CRACDL: variants seen among roughly 807,000 people sequenced by gnomAD.
The protein encoded by CRACDL is CRACD-like protein.
A neutral mutation model predicts 70.6 loss-of-function variants in CRACDL; 26 were observed. The ratio of observed to expected loss-of-function variants is 0.37; its 90% CI spans 0.27 to 0.51. The LOEUF is 0.51. Among genes scored for constraint, CRACDL ranks in the 20% least tolerant of loss-of-function variants. The pLI, the probability that CRACDL is intolerant of heterozygous loss-of-function variation, is 0.94. For missense variants in CRACDL, 1,283 were observed against 1,376.9 expected, an observed-to-expected ratio of 0.93 and a Z score of 1.08; for synonymous variants, 618 against 615.2, an observed-to-expected ratio of 1.00 and a Z score of -0.07.
intron 6 of CRACDL, 96 bp downstream of exon 6, chr2:98,826,879 G>T: frequency 1.2e-6 from 1 of 825,338 alleles, no homozygotes; most frequent in Non-Finnish European, 1.9e-6. Context: ...GGGGGCATGA[G>T]ACCCTGTGTG....
intron 1 of CRACDL, among the ~76,000 whole-genome samples, chr2:98,867,762 T>C (rs1037216415): frequency 3.9e-5 from 6 of 152,178 alleles, no homozygotes; most frequent in Admixed American, 1.3e-4. Context: ...TGCACACATA[T>C]GTGACGAACA....
At chr2:98,914,696 T>C (rs534867241) in intron 1 of CRACDL, among the ~76,000 whole-genome samples, 93 of 152,256 alleles carry the variant, frequency 6.1e-4, no homozygotes, top group African/African-American at 2.2e-3. Flanking sequence ...GCCCCACAAC[T>C]GGGGCTCTCC....
intron 7 of CRACDL, among the ~76,000 whole-genome samples, chr2:98,814,564 C>A (rs1327913044): frequency 6.6e-6 from 1 of 152,090 alleles, no homozygotes; most frequent in Non-Finnish European, 1.5e-5. Flanking sequence ...TTAATAAGGG[C>A]TGTTTAGTGA....
chr2:98,900,176 G>A (rs2104654478), intron 1 of CRACDL, among the ~76,000 whole-genome samples: 1 of 143,888 alleles, frequency 6.9e-6, no homozygotes, highest in African/African-American at 2.5e-5. Context: ...CAGATGGACA[G>A]AGGCTCAGTA....
At chr2:98,912,615 T>G (rs1573190672) in intron 1 of CRACDL, 1 of 152,478 alleles carries the variant, frequency 6.6e-6, no homozygotes, top group Non-Finnish European at 1.5e-5. Context: ...CCACTGTGGT[T>G]GAGGGTGCTG....
rs1704042894 is a variant in CRACDL, at chr2:98,800,778, A to G, written c.2417-3241T>C. On this transcript the variant is annotated intron_variant, in intron 7 of 9. Transcript: ENST00000397899. ...CTTATCTACCGAACAAACACACACC[A>G]CAGACTATGTACCAGATACACTTCT... is the stretch of plus-strand genomic sequence containing the variant. Among the ~76,000 whole-genome samples, 3 of 152,242 alleles carry G rather than the reference A, an allele frequency of 2.0e-5. No homozygotes were observed. In the South Asian group the frequency reaches 6.2e-4, roughly 32 times the overall value.
Position 98,797,350 on chromosome 2 carries a change from C to T in CRACDL, c.2604G>A (p.Gln868=), listed in dbSNP as rs2104394227. 1.2e-6 allele frequency: 2 copies of T among 1,614,126 alleles called. No individual in the cohort carries two copies. Among genetic ancestry groups the T allele is most frequent in the East Asian group, 2.2e-5 (1 of 44,882 alleles). The change falls in exon 8 of 10, where the codon CAG becomes CAA. Residue 868 remains glutamine, a splice_region_variant and synonymous_variant. Coordinates refer to ENST00000397899, the MANE Select transcript of CRACDL (RefSeq NM_207362.3). ...GAACAGAAGTATTTGCTCTAAGCAC[C>T]TGGCCTCTCTCGGGCACCTTGGCTT... The part of the protein sequence containing the change: ...GKQAKVPERG[Q]EPVKQADFVR...
chr2:98,920,111 C>G (rs976065605), intron 1 of CRACDL, among the ~76,000 whole-genome samples: 2 of 152,112 alleles, frequency 1.3e-5, no homozygotes, highest in African/African-American at 2.4e-5. Flanking sequence ...CAGATTCTGG[C>G]TAGGGGTTGC....
chr2:98,803,732 T>C (rs1704176826), intron 7 of CRACDL, among the ~76,000 whole-genome samples: 2 of 152,236 alleles, frequency 1.3e-5, no homozygotes, highest in South Asian at 4.1e-4. Context: ...ACTTCGGATC[T>C]AAAGTGGATC....
chr2:98,896,281 A>G (rs1708123472), intron 1 of CRACDL, among the ~76,000 whole-genome samples: 1 of 152,220 alleles, frequency 6.6e-6, no homozygotes, highest in African/African-American at 2.4e-5. Flanking sequence ...GAGACAAGAC[A>G]CAGCTGTGCT....
intron 2 of CRACDL, among the ~76,000 whole-genome samples, chr2:98,838,680 TA>T (rs1412426609): frequency 5.9e-5 from 9 of 152,016 alleles, no homozygotes; most frequent in African/African-American, 2.2e-4. Context: ...AAAAATAAAA[TA>T]AAATAAAAAT....
At chr2:98,869,442 G>A in intron 1 of CRACDL, 1 of 351,496 alleles carries the variant, frequency 2.8e-6, no homozygotes, top group South Asian at 2.8e-5. Flanking sequence ...GCCTGGCTCT[G>A]TAGGGAGTTG....
At chr2:98,903,925 C>A (rs1708344934) in intron 1 of CRACDL, among the ~76,000 whole-genome samples, 1 of 152,218 alleles carries the variant, frequency 6.6e-6, no homozygotes, top group Non-Finnish European at 1.5e-5. Context: ...CGGCCCTCAG[C>A]CTGGGTGACG....
chr2:98,908,425 T>C (rs936523025), intron 1 of CRACDL: 1 of 152,206 alleles, frequency 6.6e-6, no homozygotes, highest in African/African-American at 2.4e-5. Flanking sequence ...CTGCAGTGAG[T>C]AGTCTGGCAG....
intron 1 of CRACDL, among the ~76,000 whole-genome samples, chr2:98,873,290 C>T (rs897588421): frequency 5.3e-5 from 8 of 152,252 alleles, no homozygotes; most frequent in Non-Finnish European, 8.8e-5. Context: ...TTTGTCTCCA[C>T]ATCATCTCTG....
intron 1 of CRACDL, among the ~76,000 whole-genome samples, chr2:98,894,982 T>C (rs1708080643): frequency 6.6e-6 from 1 of 152,166 alleles, no homozygotes; most frequent in Non-Finnish European, 1.5e-5. Flanking sequence ...TGTGGTGACA[T>C]GCACCTGTGG....
rs1231296778 is a variant in CRACDL, at chr2:98,822,212, C to T, written c.2061G>A (p.Arg687=). 1 of 1,609,326 alleles carries T rather than the reference C, an allele frequency of 6.2e-7. No individual in the cohort carries two copies. Among genetic ancestry groups the T allele is most frequent in the Admixed American group, 1.7e-5 (1 of 59,928 alleles). ...EDRNPFPVKL[R]STSLSLKYRD... is the part of the protein sequence containing the mutation. ...TGTATTTGAGCGAGAGGGAGGTGGACCGGAGCTTGACGGGGAAGGGGTTTC... is the reference window on the plus strand; with the variant it reads ...TGTATTTGAGCGAGAGGGAGGTGGATCGGAGCTTGACGGGGAAGGGGTTTC... The change falls in exon 7 of 10, where the codon CGG becomes CGA. Residue 687 remains arginine, a synonymous_variant. Coordinates refer to ENST00000397899, the MANE Select transcript of CRACDL (RefSeq NM_207362.3). This position sits in a 1 kb window ranked among gnomAD's most constrained non-coding sequence, Gnocchi z 4.9.
intron 7 of CRACDL, among the ~76,000 whole-genome samples, chr2:98,809,159 G>T (rs1167572868): frequency 6.6e-6 from 1 of 152,200 alleles, no homozygotes; most frequent in Non-Finnish European, 1.5e-5. Flanking sequence ...CCTGAATGCA[G>T]GGTGTCTGAG....
At chr2:98,802,961 G>A (rs1430374677) in intron 7 of CRACDL, among the ~76,000 whole-genome samples, 1 of 151,328 alleles carries the variant, frequency 6.6e-6, no homozygotes, top group African/African-American at 2.4e-5. Context: ...TCAGCCTCCT[G>A]AGTAGCTGGA....
Sources: gnomAD v4.1 joint callset for allele counts (sites outside exome capture counted in the v4.1 genomes callset) on GRCh38, gnomAD v4.1.1 for gene constraint, Gnocchi (gnomAD v3.1) non-coding constraint, MANE v1.5 for transcripts, NCBI Gene and HGNC (gene_info 2026-07-23, HGNC 2026-07-21) for gene names.